The following TMEM182 variants were observed in gnomAD, a reference collection of about 807,000 sequenced individuals.
TMEM182 encodes transmembrane protein 182.
Under a neutral mutation model 26.8 loss-of-function variants are expected in TMEM182, and 20 were observed. That is an observed-to-expected ratio of 0.75 (90% CI 0.53 to 1.09). The LOEUF is 1.09. Ranked by LOEUF, TMEM182 falls within the 50% of genes least tolerant of loss-of-function variation. The pLI is 0.00. For missense variants in TMEM182, 277 were observed against 275.5 expected, an observed-to-expected ratio of 1.01 and a Z score of -0.04; for synonymous variants, 109 against 102.2, an observed-to-expected ratio of 1.07 and a Z score of -0.40.
chr2:102,834,333 G>GT (rs377543667), intron 3 of TMEM182: 1 of 970,020 alleles, frequency 1.0e-6, no homozygotes, highest in Non-Finnish European at 1.2e-6. Context: ...GGACTCGTCT[G>GT]TTTTTTTCTG....
chr2:102,826,764 C>T (rs1683038632), intron 3 of TMEM182, among the ~76,000 whole-genome samples: 1 of 152,012 alleles, frequency 6.6e-6, no homozygotes, highest in South Asian at 2.1e-4. Context: ...CTAAGATTGC[C>T]CAGGAGCATG....
intron 1 of TMEM182, among the ~76,000 whole-genome samples, chr2:102,753,282 C>A (rs1387161586): frequency 1.3e-5 from 2 of 151,956 alleles, no homozygotes; most frequent in African/African-American, 4.8e-5. Context: ...CATAGCAAAC[C>A]CTTTTGCAGA....
chr2:102,758,592 A>G (rs563054126), upstream of TMEM182: 6 of 679,456 alleles, frequency 8.8e-6, no homozygotes, highest in African/African-American at 9.0e-5. Flanking sequence ...CCAGAGCTTA[A>G]CAAGTACCAA....
intron 1 of TMEM182, among the ~76,000 whole-genome samples, chr2:102,745,972 TG>T (rs1345775004): frequency 6.6e-6 from 1 of 152,218 alleles, no homozygotes; most frequent in African/African-American, 2.4e-5. Context: ...ATAGAATTAG[TG>T]GGTTGATGGT....
At chr2:102,774,350 G>T (rs1489582330) in intron 3 of TMEM182, among the ~76,000 whole-genome samples, 2 of 147,740 alleles carry the variant, frequency 1.4e-5, no homozygotes, top group African/African-American at 5.0e-5. Flanking sequence ...CTGCCTCCTG[G>T]GTTCAAGCAA....
chr2:102,770,553 T>A (rs1408334949), intron 3 of TMEM182, among the ~76,000 whole-genome samples: 1 of 152,176 alleles, frequency 6.6e-6, no homozygotes, highest in Admixed American at 6.5e-5. Context: ...CACCTGAGGA[T>A]CCTCCTGAGA....
At chr2:102,822,704 G>A (rs546765015) in intron 3 of TMEM182, among the ~76,000 whole-genome samples, 71 of 152,230 alleles carry the variant, frequency 4.7e-4, no homozygotes, top group African/African-American at 1.6e-3. Context: ...GGGAAAACAA[G>A]GGCAAGTGTG....
intron 3 of TMEM182, among the ~76,000 whole-genome samples, chr2:102,779,850 T>G (rs1198998915): frequency 6.6e-6 from 1 of 151,936 alleles, no homozygotes; most frequent in Non-Finnish European, 1.5e-5. Context: ...TACAGAAAAG[T>G]TAGCTAGCTG....
At chr2:102,805,115 G>C (rs1324771277) in intron 4 of TMEM182, among the ~76,000 whole-genome samples, 1 of 152,206 alleles carries the variant, frequency 6.6e-6, no homozygotes, top group Non-Finnish European at 1.5e-5. Flanking sequence ...ATAGAAAAGA[G>C]ATGTGACGGC....
In TMEM182 at chr2:102,826,301, CTTT is replaced by C. The variant is rs375776814; in HGVS notation, c.326-17093_326-17091del. Among the ~76,000 whole-genome samples, 959 of 120,012 alleles carry C rather than the reference CTTT, an allele frequency of 8.0e-3. 9 individuals carry two copies. The highest frequency in any genetic ancestry group is 0.028 in the African/African-American group (919 of 32,332). The allele number at this position is 120,012 out of a possible 152,430, so 78.7% of individuals were successfully genotyped here. On this transcript the variant is annotated intron_variant, in intron 3 of 3. Transcript: ENST00000486293. ...AGTGCAGCGTACAGTCTGCAGCTGGCTTTTTTTTTTTTTTTTTTTTAACAAAGT... is the reference window on the plus strand; with the variant it reads ...AGTGCAGCGTACAGTCTGCAGCTGGCTTTTTTTTTTTTTTTTTAACAAAGT...
chr2:102,838,123 A>T lies in TMEM182; in HGVS notation c.326-5289A>T, dbSNP rs372659143. On this transcript the variant is annotated intron_variant, in intron 3 of 3. Coordinates refer to the TMEM182 transcript ENST00000486293. ...ATGAAGTCTTATTCCCTTTTTCTTG[A>T]TAAACCTAATTCTCTAATGCTGCAC... is the stretch of plus-strand genomic sequence containing the variant. Among the ~76,000 whole-genome samples, 70 of 152,338 alleles carry T rather than the reference A, an allele frequency of 4.6e-4. 4 individuals carry two copies. Among genetic ancestry groups the T allele is most frequent in the South Asian group, 6.2e-4 (3 of 4,830 alleles).
At chr2:102,786,055 T>C (rs1162793710) in intron 3 of TMEM182, among the ~76,000 whole-genome samples, 21 of 151,672 alleles carry the variant, frequency 1.4e-4, no homozygotes, top group Non-Finnish European at 1.3e-4. Context: ...TTTTTTTTTT[T>C]TTTTTAAGGA....
At chr2:102,826,863 A>G (rs1337752081) in intron 3 of TMEM182, among the ~76,000 whole-genome samples, 2 of 152,160 alleles carry the variant, frequency 1.3e-5, no homozygotes, top group East Asian at 3.9e-4. Flanking sequence ...AAGATAAATC[A>G]TCCCACAAGT....
chr2:102,779,865 T>TG (rs1307417087), intron 3 of TMEM182, among the ~76,000 whole-genome samples: 1 of 152,036 alleles, frequency 6.6e-6, no homozygotes, highest in Non-Finnish European at 1.5e-5. Context: ...TAGCTGGGTG[T>TG]GGCGGTGGGT....
Position 102,764,432 on chromosome 2 carries a change from G to A in TMEM182, c.331+5G>A. The A allele has an allele frequency of 1.2e-6, 2 of 1,612,730 alleles. No homozygotes were observed. The highest frequency in any genetic ancestry group is 1.7e-6 in the Non-Finnish European group (2 of 1,179,108). ...CCTCCTATGACTCTGCAGTTAGTAA[G>A]TACCCTCTGTCCTCAGCCTACTTCT... On this transcript the variant is annotated splice_donor_5th_base_variant and intron_variant, in intron 3 of 4. Transcript: ENST00000412401.
chr2:102,784,645 A>G (rs1681312943), intron 3 of TMEM182, among the ~76,000 whole-genome samples: 1 of 152,270 alleles, frequency 6.6e-6, no homozygotes, highest in African/African-American at 2.4e-5. Context: ...TGGCTACTCC[A>G]TAGACAGAGC....
Position 102,824,810 on chromosome 2 carries a change from A to G in TMEM182, c.326-18602A>G, listed in dbSNP as rs182494873. 6.6e-5 allele frequency among the ~76,000 whole-genome samples: 10 copies of G among 152,238 alleles called. No individual in the cohort carries two copies. In the East Asian group the frequency reaches 1.7e-3, roughly 26 times the overall value. On this transcript the variant is annotated intron_variant, in intron 3 of 3. Coordinates refer to the TMEM182 transcript ENST00000486293. ...CCACAGCACTCCAGCCTGGTGACAGAGCAAGACTCTGTCTGAAAACAAAAC... is the reference window on the plus strand; with the variant it reads ...CCACAGCACTCCAGCCTGGTGACAGGGCAAGACTCTGTCTGAAAACAAAAC...
upstream of TMEM182, among the ~76,000 whole-genome samples, chr2:102,760,005 A>G (rs949893113): frequency 1.3e-5 from 2 of 152,200 alleles, no homozygotes; most frequent in South Asian, 2.1e-4. Context: ...TAACATATTC[A>G]TAGATTAGGA....
chr2:102,831,686 G>C (rs1240873794), intron 3 of TMEM182, among the ~76,000 whole-genome samples: 2 of 152,126 alleles, frequency 1.3e-5, no homozygotes, highest in Non-Finnish European at 2.9e-5. Flanking sequence ...AAACCTGGGA[G>C]GTGGAGGTTG....
Sources: allele counts gnomAD v4.1 joint callset (sites outside exome capture counted in the v4.1 genomes callset), GRCh38; gene constraint gnomAD v4.1.1; transcripts MANE v1.5; gene names NCBI Gene and HGNC (gene_info 2026-07-23, HGNC 2026-07-21).